The following SQSTM1 variants were observed in gnomAD, a reference collection of about 807,000 sequenced individuals.
The protein encoded by SQSTM1 is sequestosome-1.
Under a neutral mutation model 45.1 loss-of-function variants are expected in SQSTM1, and 36 were observed. The observed-to-expected ratio is 0.80, with a 90% CI of 0.61 to 1.05. The LOEUF (loss-of-function observed/expected upper bound fraction) is 1.05, where lower values mean the gene tolerates loss of function less well. SQSTM1 is among the 50% of genes least tolerant of loss of function. The probability of loss-of-function intolerance (pLI) is 0.00; values close to 1 mark genes in which losing one functional copy is unlikely to be tolerated. For synonymous variants in SQSTM1, 290 were observed against 244.3 expected (o/e 1.19, Z -1.74); for missense variants, 617 against 607.1 (o/e 1.02, Z -0.17).
In SQSTM1 at chr5:179,809,637, C is replaced by CTTTT. The variant is rs1181470503; in HGVS notation, c.-156-1916_-156-1913dup. On this transcript the variant is annotated intron_variant, in intron 1 of 5. Transcript: ENST00000514093. ...CAGGCATGAGCCACTGCGCCTGGCC[C>CTTTT]TTTTTTTTTTTTTTTTTTTTTTTTG... Among the ~76,000 whole-genome samples the CTTTT allele has an allele frequency of 3.5e-4, 27 of 77,660 alleles. 1 individual carries two copies. The highest frequency in any genetic ancestry group is 1.3e-3 in the African/African-American group (24 of 18,286). The allele number at this position is 77,660 out of a possible 152,430, so 50.9% of individuals were successfully genotyped here.
chr5:179,831,390 A>G lies in SQSTM1; in HGVS notation c.755-1642A>G, dbSNP rs552054763. Among the ~76,000 whole-genome samples the G allele has an allele frequency of 1.6e-4, 25 of 152,366 alleles. No homozygotes were observed. The South Asian group carries it at 4.6e-3, about 28-fold the overall frequency. On this transcript the variant is annotated intron_variant, in intron 5 of 7. Coordinates refer to ENST00000389805, the MANE Select transcript of SQSTM1 (RefSeq NM_003900.5). ...TGCAAAGAGAAGGCAGGCTGGGTGC[A>G]GTGGCTCATGCCTGTAATCCAAGCA...
chr5:179,811,033 G>A (rs970676083), intron 1 of SQSTM1, among the ~76,000 whole-genome samples: 8 of 152,148 alleles, frequency 5.3e-5, no homozygotes, highest in African/African-American at 1.9e-4. Context: ...ACGAGGTCAG[G>A]AGACCGAGAC....
At chr5:179,815,999 C>T (rs190180560), upstream of SQSTM1, among the ~76,000 whole-genome samples, 43 of 152,062 alleles carry the variant, frequency 2.8e-4, no homozygotes, top group East Asian at 6.2e-3. Flanking sequence ...TGAGTCTCGT[C>T]GGGAGGCTGA....
upstream of SQSTM1, among the ~76,000 whole-genome samples, chr5:179,817,655 G>T (rs975736609): frequency 6.6e-5 from 10 of 152,178 alleles, no homozygotes; most frequent in East Asian, 1.7e-3. Flanking sequence ...TTGTGGGCGT[G>T]CCCCTCCCAT....
At position 179,833,156 on chromosome 5, in the gene SQSTM1, C is replaced by T. The variant is rs1336290006; in HGVS notation, c.879C>T (p.Pro293=). Residue 293 remains proline, a synonymous_variant, in exon 6 of 8, where the codon CCC becomes CCT. Coordinates refer to ENST00000389805, the MANE Select transcript of SQSTM1 (RefSeq NM_003900.5). ...SSQPSSCCSD[P]SKPGGNVEGA... ...AGCCAAGCAGCTGCTGCTCTGACCC[C>T]AGCAAGCCGGGTGGGAATGTTGAGG... 5 of 1,614,130 alleles carry T rather than the reference C, an allele frequency of 3.1e-6. No homozygotes were observed. The highest frequency in any genetic ancestry group is 1.7e-5 in the Admixed American group (1 of 60,022).
In SQSTM1 at chr5:179,837,407, A is replaced by G; in HGVS notation, c.*814A>G. Reference sequence around the variant, plus strand: ...AGTCCCAGATCACACATCATCATCGAAGTCTTCCCCAGTTATAAAGAGGTC... The same window carrying G: ...AGTCCCAGATCACACATCATCATCGGAGTCTTCCCCAGTTATAAAGAGGTC... On this transcript the variant is annotated 3_prime_UTR_variant, in exon 8 of 8. Coordinates refer to ENST00000389805, the MANE Select transcript of SQSTM1 (RefSeq NM_003900.5). 1 of 1,593,586 alleles carries G rather than the reference A, an allele frequency of 6.3e-7. No homozygotes were observed. The highest frequency in any genetic ancestry group is 8.6e-7 in the Non-Finnish European group (1 of 1,168,022).
In SQSTM1 at chr5:179,806,587, C is replaced by T; in HGVS notation, c.-161C>T. On this transcript the variant is annotated 5_prime_UTR_variant, in exon 1 of 6. Transcript: ENST00000514093. This position sits in a 1 kb window ranked among gnomAD's most constrained non-coding sequence, Gnocchi z 4.6. Reference sequence around the variant, plus strand: ...AGGTGCCATTGCGGAGCCTCATCTCCTCGGGTGCGCGGCGGGCGCCCGCGG... The same window carrying T: ...AGGTGCCATTGCGGAGCCTCATCTCTTCGGGTGCGCGGCGGGCGCCCGCGG... The T allele has an allele frequency of 1.6e-6, 2 of 1,256,600 alleles. No individual in the cohort carries two copies. The highest frequency in any genetic ancestry group is 5.3e-5 in the East Asian group (1 of 18,808). 77.8% of individuals were successfully genotyped at this position (1,256,600 alleles called of 1,614,324 possible).
At chr5:179,823,833 G>GC (rs1757882493) in intron 2 of SQSTM1, 25 bp from the exon 3 acceptor site, 1 of 1,606,998 alleles carries the variant, frequency 6.2e-7, no homozygotes, top group South Asian at 1.1e-5. Flanking sequence ...TCCCACCCTA[G>GC]CGGCTCTCTT....
In SQSTM1 at chr5:179,823,187, G is replaced by C. The variant is rs572290171; in HGVS notation, c.301+134G>C. The C allele has an allele frequency of 4.6e-5, 39 of 840,274 alleles. No individual in the cohort carries two copies. The East Asian group carries it at 1.0e-3, about 21-fold the overall frequency. 52.1% of individuals were successfully genotyped at this position (840,274 alleles called of 1,614,324 possible). A position where few individuals can be genotyped will look rare whatever the true frequency, so the allele number is the denominator to read the frequency against. On this transcript the variant is annotated intron_variant, in intron 2 of 7. Coordinates refer to ENST00000389805, the MANE Select transcript of SQSTM1 (RefSeq NM_003900.5). ...GAGGGCTGTTTAAGACAGAGACATA[G>C]GCCAGGTGTGGCTCACGCCTGTAAT...
intron 2 of SQSTM1, chr5:179,823,467 A>G (rs1757865021): frequency 4.1e-6 from 1 of 240,990 alleles, no homozygotes; most frequent in South Asian, 5.1e-5. Context: ...AAAAAAAAAA[A>G]AAAAAAAAAA....
At chr5:179,833,911 G>C in intron 7 of SQSTM1, 129 bp downstream of exon 7, 1 of 1,047,474 alleles carries the variant, frequency 9.5e-7, no homozygotes, top group Non-Finnish European at 1.4e-6. Context: ...GTAGGTGTGG[G>C]AGGTTAGGAG....
At chr5:179,810,825 C>G (rs985688272) in intron 1 of SQSTM1, among the ~76,000 whole-genome samples, 2 of 152,096 alleles carry the variant, frequency 1.3e-5, no homozygotes, top group Admixed American at 6.6e-5. Context: ...GTGTGAGATG[C>G]TATCTCAATG....
Position 179,821,053 on chromosome 5 carries a change from G to A in SQSTM1, c.117G>A (p.Ala39=), listed in dbSNP as rs1449666849. 1.3e-6 allele frequency: 2 copies of A among 1,535,878 alleles called. No homozygotes were observed. Among genetic ancestry groups the A allele is most frequent in the Non-Finnish European group, 1.7e-6 (2 of 1,149,974 alleles). The part of the protein sequence containing the change: ...PEPEAEAEAA[A]GPGPCERLLS... ...CTGAGGCGGAAGCCGAGGCTGCGGCGGGTCCGGGACCCTGCGAGCGGCTGC... is the reference window on the plus strand; with the variant it reads ...CTGAGGCGGAAGCCGAGGCTGCGGCAGGTCCGGGACCCTGCGAGCGGCTGC... Residue 39 remains alanine (A), a synonymous_variant, in exon 1 of 8, where the codon GCG becomes GCA. Coordinates refer to ENST00000389805, the MANE Select transcript of SQSTM1 (RefSeq NM_003900.5).
intron 2 of SQSTM1, 98 bp downstream of exon 2, chr5:179,823,151 G>T (rs1757847333): frequency 8.7e-7 from 1 of 1,149,620 alleles, no homozygotes. Flanking sequence ...CAATGAAGGG[G>T]TCAGCAATTT....
chr5:179,818,503 G>A, upstream of SQSTM1, among the ~76,000 whole-genome samples: 1 of 152,200 alleles, frequency 6.6e-6, no homozygotes, highest in Non-Finnish European at 1.5e-5. Context: ...TTGGGAGGGG[G>A]GAAGGGGGAA....
intron 5 of SQSTM1, among the ~76,000 whole-genome samples, chr5:179,830,449 C>T (rs958476427): frequency 6.6e-6 from 1 of 152,116 alleles, no homozygotes; most frequent in Non-Finnish European, 1.5e-5. Context: ...GGCTGGAGAG[C>T]AGTGGTACAG....
At position 179,828,303 on chromosome 5, in the gene SQSTM1, T is replaced by G. The variant is rs1353844460; in HGVS notation, c.754+3077T>G. Among the ~76,000 whole-genome samples, 3 of 151,938 alleles carry G rather than the reference T, an allele frequency of 2.0e-5. No individual in the cohort carries two copies. The East Asian group carries it at 5.8e-4, about 29-fold the overall frequency. ...ATTACCCATTTACAAAGCATATGGG[T>G]ATTGATTGTACTATTCTTTCAACTT... is the stretch of plus-strand genomic sequence containing the variant. On this transcript the variant is annotated intron_variant, in intron 5 of 7. Coordinates refer to ENST00000389805, the MANE Select transcript of SQSTM1 (RefSeq NM_003900.5).
chr5:179,834,658 A>C (rs1429026957), intron 7 of SQSTM1, among the ~76,000 whole-genome samples: 1 of 152,056 alleles, frequency 6.6e-6, no homozygotes, highest in Non-Finnish European at 1.5e-5. Context: ...AACAAAGCAC[A>C]TCTTGCACCG....
chr5:179,837,532 CT>C lies in SQSTM1; in HGVS notation c.*940del, dbSNP rs781379450. On this transcript the variant is annotated 3_prime_UTR_variant, in exon 8 of 8. Coordinates refer to ENST00000389805, the MANE Select transcript of SQSTM1 (RefSeq NM_003900.5). The stretch of plus-strand genomic sequence containing the variant: ...CCCATGAGGTCTTCCCGCAAGGCCT[CT>C]CAGACCCAGATGTGACGGGGTGTGT... The C allele has an allele frequency of 2.5e-6, 4 of 1,614,222 alleles. No homozygotes were observed. The South Asian group carries it at 4.4e-5, about 18-fold the overall frequency.
Sources: gnomAD v4.1 joint callset for allele counts (sites outside exome capture counted in the v4.1 genomes callset) on GRCh38, gnomAD v4.1.1 for gene constraint, Gnocchi (gnomAD v3.1) non-coding constraint, MANE v1.5 for transcripts, NCBI Gene and HGNC (gene_info 2026-07-23, HGNC 2026-07-21) for gene names.